ADGRV1: variants seen among roughly 807,000 people sequenced by gnomAD.
The protein encoded by ADGRV1 is G-protein coupled receptor 98.
ADGRV1 carries 359 observed loss-of-function variants against 596.2 expected under a neutral mutation model. That is an observed-to-expected ratio of 0.60 (90% CI 0.55 to 0.66). The LOEUF is 0.66. Ranked by LOEUF, ADGRV1 falls within the 30% of genes least tolerant of loss-of-function variation. The pLI is 0.00. For synonymous variants in ADGRV1, 2,681 were observed against 2,679.2 expected, an observed-to-expected ratio of 1.00 and a Z score of -0.02; for missense variants, 7,274 against 7,575.6, an observed-to-expected ratio of 0.96 and a Z score of 1.48.
chr5:90,913,920 G>A (rs947545131), intron 83 of ADGRV1, among the ~76,000 whole-genome samples: 1 of 152,092 alleles, frequency 6.6e-6, no homozygotes, highest in Non-Finnish European at 1.5e-5. Flanking sequence ...GGTGAATATT[G>A]TGCTATAATG....
At chr5:90,595,551 G>T (rs1265053301) in intron 1 of ADGRV1, among the ~76,000 whole-genome samples, 1 of 131,450 alleles carries the variant, frequency 7.6e-6, no homozygotes, top group African/African-American at 3.1e-5. Flanking sequence ...GGGGCGGCTG[G>T]CCGGGCGGGG....
chr5:90,997,912 G>A (rs1781548241), intron 85 of ADGRV1, among the ~76,000 whole-genome samples: 1 of 152,172 alleles, frequency 6.6e-6, no homozygotes, highest in South Asian at 2.1e-4. Flanking sequence ...CTGGCACAGA[G>A]CAGGGGACAA....
At chr5:90,956,547 G>A (rs534955363) in intron 83 of ADGRV1, among the ~76,000 whole-genome samples, 1 of 152,222 alleles carries the variant, frequency 6.6e-6, no homozygotes, top group East Asian at 1.9e-4. Flanking sequence ...TGAGAAATGT[G>A]ACTTTGAAAA....
chr5:90,656,165 C>A (rs1769380717), intron 20 of ADGRV1, among the ~76,000 whole-genome samples: 1 of 152,014 alleles, frequency 6.6e-6, no homozygotes, highest in Non-Finnish European at 1.5e-5. Context: ...CAGGTTTGTC[C>A]CAGAGAATTA....
intron 83 of ADGRV1, among the ~76,000 whole-genome samples, chr5:90,935,002 C>G (rs1244587801): frequency 6.6e-6 from 1 of 152,196 alleles, no homozygotes; most frequent in Non-Finnish European, 1.5e-5. Context: ...GAAGCCCCAT[C>G]TCTAGTTACC....
Position 90,729,737 on chromosome 5 carries a change from C to T in ADGRV1, c.10522C>T (p.His3508Tyr). 1 of 1,613,158 alleles carries T rather than the reference C, an allele frequency of 6.2e-7. No homozygotes were observed. The highest frequency in any genetic ancestry group is 8.5e-7 in the Non-Finnish European group (1 of 1,179,340). ...SVDFAAVNRI[H>Y]SFTPASGIAH... ...AGATTTTGCTGCTGTTAACAGAATCCACTCCTTCACACCAGCCTCAGGAAT... is the reference window on the plus strand; with the variant it reads ...AGATTTTGCTGCTGTTAACAGAATCTACTCCTTCACACCAGCCTCAGGAAT... The change falls in exon 50 of 90, where the codon CAC becomes TAC. Residue 3508 changes from histidine (H) to tyrosine (Y), a missense_variant. Transcript: ENST00000405460.
chr5:91,016,457 C>T (rs1018585476), intron 85 of ADGRV1, among the ~76,000 whole-genome samples: 2 of 152,082 alleles, frequency 1.3e-5, no homozygotes, highest in Non-Finnish European at 2.9e-5. Context: ...GTCTTAATTT[C>T]CTTAAGCTGA....
intron 83 of ADGRV1, among the ~76,000 whole-genome samples, chr5:90,936,704 T>TAACAAAATCCAAAAA (rs1775724790): frequency 6.6e-6 from 1 of 152,112 alleles, no homozygotes; most frequent in South Asian, 2.1e-4. Context: ...CGTAGCTGCT[T>TAACAAAATCCAAAAA]TCCAACAAAT....
rs147036105 is a variant in ADGRV1, at chr5:90,975,834, C to T, written c.17974-9510C>T. ...AACCTGCACATTGTGCACATGTACC[C>T]TAGAACTTAAAAGTATAATAATAAA... On this transcript the variant is annotated intron_variant, in intron 84 of 89. Coordinates refer to ENST00000405460, the MANE Select transcript of ADGRV1 (RefSeq NM_032119.4). Among the ~76,000 whole-genome samples, 429 of 145,916 alleles carry T rather than the reference C, an allele frequency of 2.9e-3. 1 individual carries two copies. Among genetic ancestry groups the T allele is most frequent in the African/African-American group, 0.011 (415 of 37,882 alleles).
chr5:90,622,668 G>C lies in ADGRV1; in HGVS notation c.525G>C (p.Lys175Asn), dbSNP rs1764242446. The change falls in exon 5 of 90, where the codon AAG becomes AAC. Residue 175 changes from lysine (K) to asparagine (N), a missense_variant. Transcript: ENST00000405460. ...TGCCTCTTACTCTCATCAGGGAAAAGGGAACCTATGGAATGGTCATGGTGA... is the reference window on the plus strand; with the variant it reads ...TGCCTCTTACTCTCATCAGGGAAAACGGAACCTATGGAATGGTCATGGTGA... The part of the protein sequence containing the change: ...ESMPLTLIRE[K>N]GTYGMVMVTF... 6.4e-7 allele frequency: 1 copy of C among 1,555,180 alleles called. No individual in the cohort carries two copies.
At chr5:91,129,537 C>T (rs920604921) in intron 87 of ADGRV1, among the ~76,000 whole-genome samples, 2 of 152,154 alleles carry the variant, frequency 1.3e-5, no homozygotes, top group Non-Finnish European at 2.9e-5. Context: ...TTCAACAATA[C>T]TGTGCAGAAA....
chr5:90,809,293 T>TACAC (rs60659185), intron 73 of ADGRV1, among the ~76,000 whole-genome samples: 2,444 of 134,602 alleles, frequency 0.018, 88 homozygotes, highest in African/African-American at 0.06. Flanking sequence ...CGGGCATAAA[T>TACAC]ACACACACAC....
At chr5:90,620,122 G>A (rs150744447) in intron 4 of ADGRV1, among the ~76,000 whole-genome samples, 27,514 of 151,812 alleles carry the variant, frequency 0.18, 2,659 homozygotes, top group East Asian at 0.4. Flanking sequence ...ACCCAGTAAT[G>A]GGATGGCTGG....
At chr5:90,978,258 A>G (rs556609805) in intron 84 of ADGRV1, among the ~76,000 whole-genome samples, 21 of 152,056 alleles carry the variant, frequency 1.4e-4, no homozygotes, top group South Asian at 8.3e-4. Flanking sequence ...TCGCGCCACT[A>G]CACTCCAGAC....
chr5:90,631,920 T>A (rs569316909), intron 9 of ADGRV1, among the ~76,000 whole-genome samples: 24 of 152,356 alleles, frequency 1.6e-4, no homozygotes, highest in Non-Finnish European at 3.4e-4. Flanking sequence ...TGTTTGCTTT[T>A]AAAAATTGAT....
At chr5:90,888,664 C>A (rs1368520506) in intron 83 of ADGRV1, among the ~76,000 whole-genome samples, 1 of 152,050 alleles carries the variant, frequency 6.6e-6, no homozygotes, top group Non-Finnish European at 1.5e-5. Flanking sequence ...TTTGCTTAGT[C>A]AACTTTATAT....
intron 87 of ADGRV1, among the ~76,000 whole-genome samples, chr5:91,107,334 T>G (rs1207182311): frequency 6.6e-6 from 1 of 152,118 alleles, no homozygotes; most frequent in African/African-American, 2.4e-5. Flanking sequence ...GAGGAAAGAT[T>G]TGTTGCCATG....
intron 83 of ADGRV1, among the ~76,000 whole-genome samples, chr5:90,963,887 C>T (rs1778235839): frequency 6.6e-6 from 1 of 150,504 alleles, no homozygotes; most frequent in Non-Finnish European, 1.5e-5. Context: ...AATTTACAGG[C>T]AATATCAATT....
rs73175207 is a variant in ADGRV1, at chr5:90,711,032, G to C, written c.8876G>C (p.Arg2959Pro). Reference protein sequence around the residue: ...QVIIDANDGARGVIEWQQSRF... With the variant: ...QVIIDANDGAPGVIEWQQSRF... Reference sequence around the variant, plus strand: ...ATTATTGATGCCAATGATGGGGCCCGAGGTGTAATTGAATGGCAACAAAGC... The same window carrying C: ...ATTATTGATGCCAATGATGGGGCCCCAGGTGTAATTGAATGGCAACAAAGC... The change falls in exon 40 of 90, where the codon CGA (arginine) becomes CCA (proline). Residue 2959 changes from arginine (R) to proline (P), a missense_variant. Physicochemically the swap from Arg to Pro is moderately radical, Grantham distance 103 (BLOSUM62 -2). Transcript: ENST00000405460. 1 of 1,610,716 alleles carries C rather than the reference G, an allele frequency of 6.2e-7. No homozygotes were observed. Among genetic ancestry groups the C allele is most frequent in the African/African-American group, 1.3e-5 (1 of 74,810 alleles).
Sources: allele counts gnomAD v4.1 joint callset (sites outside exome capture counted in the v4.1 genomes callset), GRCh38; gene constraint gnomAD v4.1.1; transcripts MANE v1.5; gene names NCBI Gene and HGNC (gene_info 2026-07-23, HGNC 2026-07-21).